Variants in MEI4 observed in about 807,000 individuals in gnomAD.
MEI4 encodes the protein meiotic double-stranded break formation protein 4.
MEI4 carries 27 observed loss-of-function variants against 31.4 expected under a neutral mutation model. That is an observed-to-expected ratio of 0.86 (90% CI 0.63 to 1.19). The LOEUF (loss-of-function observed/expected upper bound fraction) is 1.19. Ranked by LOEUF, MEI4 falls within the 50% of genes most tolerant of loss-of-function variation. MEI4 has a pLI of 0.00. For missense variants in MEI4, 329 were observed against 398.9 expected, an observed-to-expected ratio of 0.82 and a Z score of 1.49; for synonymous variants, 122 against 145.4, an observed-to-expected ratio of 0.84 and a Z score of 1.16.
At chr6:77,899,026 A>G (rs567121224) in intron 4 of MEI4, among the ~76,000 whole-genome samples, 1 of 151,842 alleles carries the variant, frequency 6.6e-6, no homozygotes, top group South Asian at 2.1e-4. Context: ...CGGGAATACG[A>G]CTCTTTCTAT....
chr6:77,653,641 T>A (rs140691626), intron 1 of MEI4, among the ~76,000 whole-genome samples: 1 of 152,172 alleles, frequency 6.6e-6, no homozygotes, highest in African/African-American at 2.4e-5. Flanking sequence ...GAGAAAAGGA[T>A]CTTTTCTGAA....
rs56264627 is a variant in MEI4 at position 77,685,312 on chromosome 6, C to CTTT, written c.-14-5331_-14-5329dup. On this transcript the variant is annotated intron_variant, in intron 1 of 4. Transcript: ENST00000684080. Reference sequence around the variant, plus strand: ...TTCCATTCTCTGGGTTGTCCCTTCACTTTTTTTTTTTTTTTTTGCTGCACA... The same window carrying CTTT: ...TTCCATTCTCTGGGTTGTCCCTTCACTTTTTTTTTTTTTTTTTTTTGCTGCACA... 7.4e-3 allele frequency among the ~76,000 whole-genome samples: 954 copies of CTTT among 128,206 alleles called. 13 individuals are homozygous for CTTT. The highest frequency in any genetic ancestry group is 0.026 in the African/African-American group (895 of 34,988). The allele number at this position is 128,206 out of a possible 152,430, so 84.1% of individuals were successfully genotyped here. A position where few individuals can be genotyped will look rare whatever the true frequency, so the allele number is the denominator to read the frequency against.
intron 2 of MEI4, among the ~76,000 whole-genome samples, chr6:77,730,625 C>G (rs1019924523): frequency 6.7e-6 from 1 of 149,636 alleles, no homozygotes; most frequent in Admixed American, 6.7e-5. Context: ...TATTTATTTA[C>G]TTTTATTTAT....
chr6:77,791,340 A>G (rs968029471), intron 3 of MEI4, among the ~76,000 whole-genome samples: 4 of 152,072 alleles, frequency 2.6e-5, no homozygotes, highest in Non-Finnish European at 5.9e-5. Context: ...ACCATGGAAT[A>G]CTACGCAGCC....
chr6:77,880,094 AT>A (rs1156486955), intron 4 of MEI4, among the ~76,000 whole-genome samples: 2 of 152,162 alleles, frequency 1.3e-5, no homozygotes, highest in Non-Finnish European at 2.9e-5. Context: ...AGAATTCTGC[AT>A]TTTTCCACCA....
rs182219143 is a variant in MEI4 at position 77,909,074 on chromosome 6, C to T, written c.901-14015C>T. 8.4e-3 allele frequency among the ~76,000 whole-genome samples: 1,273 copies of T among 152,198 alleles called. 15 individuals carry two copies. Among genetic ancestry groups the T allele is most frequent in the African/African-American group, 0.028 (1,155 of 41,546 alleles). On this transcript the variant is annotated intron_variant, in intron 4 of 4. Transcript: ENST00000684080. ...CATTCTTTTCAGCACCACACCACAC[C>T]TATTCCAAAATTGACCACATAGTTG... is the stretch of plus-strand genomic sequence containing the variant.
intron 1 of MEI4, among the ~76,000 whole-genome samples, chr6:77,663,651 G>A (rs1367397123): frequency 4.6e-5 from 7 of 152,200 alleles, no homozygotes; most frequent in Non-Finnish European, 7.3e-5. Flanking sequence ...ACCCACAACA[G>A]TTATGGAGGC....
rs1582227865 is a variant in MEI4 at position 77,863,292 on chromosome 6, A to C, written c.900+34230A>C. ...CAGATGATGAAACAACTCTGAGCTA[A>C]AGGAGGAAGTTCGAACCCATGGCAA... On this transcript the variant is annotated intron_variant, in intron 4 of 4. Transcript: ENST00000684080. 2.0e-5 allele frequency among the ~76,000 whole-genome samples: 3 copies of C among 152,308 alleles called. No homozygotes were observed. The South Asian group carries it at 6.2e-4, about 32-fold the overall frequency.
intron 4 of MEI4, among the ~76,000 whole-genome samples, chr6:77,868,722 A>G (rs1052509801): frequency 2.0e-5 from 3 of 151,798 alleles, no homozygotes; most frequent in African/African-American, 7.3e-5. Flanking sequence ...CTCAGAGTTT[A>G]AAAAGAAAGA....
chr6:77,685,902 C>T (rs900274251), intron 1 of MEI4, among the ~76,000 whole-genome samples: 9 of 151,926 alleles, frequency 5.9e-5, no homozygotes, highest in Middle Eastern at 3.4e-3. Context: ...GATATTTGTC[C>T]CCTCCAAATC....
At chr6:77,913,089 T>C (rs968773165) in intron 4 of MEI4, among the ~76,000 whole-genome samples, 5 of 152,150 alleles carry the variant, frequency 3.3e-5, no homozygotes, top group Middle Eastern at 3.2e-3. Flanking sequence ...TTGTCCTTTA[T>C]TCCATTGGTG....
At chr6:77,745,836 A>G (rs867387678) in intron 2 of MEI4, among the ~76,000 whole-genome samples, 1 of 152,244 alleles carries the variant, frequency 6.6e-6, no homozygotes, top group African/African-American at 2.4e-5. Flanking sequence ...CCGCTCAACT[A>G]CATGGAAACT....
chr6:77,788,698 T>G (rs932508662), intron 3 of MEI4, among the ~76,000 whole-genome samples: 9 of 151,878 alleles, frequency 5.9e-5, no homozygotes, highest in African/African-American at 9.7e-5. Context: ...ACTTACAAGG[T>G]ATGTGAAAGA....
chr6:77,745,997 A>G (rs1445678286), intron 2 of MEI4, among the ~76,000 whole-genome samples: 2 of 152,194 alleles, frequency 1.3e-5, no homozygotes, highest in East Asian at 3.8e-4. Flanking sequence ...TTATAACACT[A>G]AATGCCCACA....
chr6:77,681,710 G>A (rs73762808), intron 1 of MEI4, among the ~76,000 whole-genome samples: 3,553 of 152,210 alleles, frequency 0.023, 138 homozygotes, highest in African/African-American at 0.08. Context: ...TTAAGAGACC[G>A]TAGACAATTA....
At chr6:77,692,522 C>A (rs1278603721) in intron 2 of MEI4, among the ~76,000 whole-genome samples, 1 of 151,942 alleles carries the variant, frequency 6.6e-6, no homozygotes, top group Non-Finnish European at 1.5e-5. Context: ...ATTTTTAAAG[C>A]TTTGACTAAA....
At chr6:77,802,747 A>G (rs538831162) in intron 3 of MEI4, among the ~76,000 whole-genome samples, 1 of 152,116 alleles carries the variant, frequency 6.6e-6, no homozygotes, top group African/African-American at 2.4e-5. Flanking sequence ...GTTTATCTGG[A>G]TATGAAATTT....
intron 2 of MEI4, among the ~76,000 whole-genome samples, chr6:77,732,544 T>G (rs1160581830): frequency 1.3e-5 from 2 of 152,048 alleles, no homozygotes; most frequent in Admixed American, 1.3e-4. Flanking sequence ...ACAAGGGGTT[T>G]TCCAGATATA....
At chr6:77,859,680 T>C (rs578249527) in intron 4 of MEI4, among the ~76,000 whole-genome samples, 1 of 152,326 alleles carries the variant, frequency 6.6e-6, no homozygotes, top group South Asian at 2.1e-4. Flanking sequence ...GAGAAGTGTC[T>C]GTTCATATCA....
Sources: gnomAD v4.1 joint callset for allele counts (sites outside exome capture counted in the v4.1 genomes callset) on GRCh38, gnomAD v4.1.1 for gene constraint, MANE v1.5 for transcripts, NCBI Gene and HGNC (gene_info 2026-07-23, HGNC 2026-07-21) for gene names.